The following FAF1 variants were observed in gnomAD, a reference collection of about 807,000 sequenced individuals.
FAF1 encodes the protein Fas associated factor 1.
FAF1 carries 25 observed loss-of-function variants against 92.5 expected under a neutral mutation model. The observed-to-expected ratio is 0.27, with a 90% CI of 0.20 to 0.38. The LOEUF (loss-of-function observed/expected upper bound fraction) is 0.38. Ranked by LOEUF, FAF1 falls within the 10% of genes least tolerant of loss-of-function variation. The pLI, the probability that FAF1 is intolerant of heterozygous loss-of-function variation, is 1.00. For synonymous variants in FAF1, 234 were observed against 273.2 expected (o/e 0.86, Z 1.42); for missense variants, 636 against 793.3 (o/e 0.80, Z 2.38).
intron 4 of FAF1, chr1:50,781,147 C>T (rs995818840): frequency 3.0e-5 from 8 of 267,664 alleles, no homozygotes; most frequent in Admixed American, 1.4e-4. Context: ...CCGGGTGCCC[C>T]GGTGAGGGTC....
chr1:50,490,468 AAG>A (rs1646823769), intron 17 of FAF1, 118 bp downstream of exon 17: 1 of 614,832 alleles, frequency 1.6e-6, no homozygotes, highest in South Asian at 1.8e-5. Context: ...AGGAAAAAGA[AAG>A]AAGGAAGGAA....
chr1:50,595,324 G>C (rs891945233), intron 9 of FAF1, among the ~76,000 whole-genome samples: 2 of 152,002 alleles, frequency 1.3e-5, no homozygotes, highest in African/African-American at 4.8e-5. Context: ...AAAGTGCTGG[G>C]ATTACAGGTG....
At chr1:50,720,557 T>C (rs889295907) in intron 6 of FAF1, among the ~76,000 whole-genome samples, 1 of 152,218 alleles carries the variant, frequency 6.6e-6, no homozygotes, top group Admixed American at 6.5e-5. Flanking sequence ...TATGACACTT[T>C]GGTATGCTGC....
intron 2 of FAF1, among the ~76,000 whole-genome samples, chr1:50,838,891 T>C (rs1644233481): frequency 6.6e-6 from 1 of 152,152 alleles, no homozygotes; most frequent in Admixed American, 6.5e-5. Flanking sequence ...GTGTTCTTTA[T>C]ACACTAACAC....
intron 8 of FAF1, among the ~76,000 whole-genome samples, chr1:50,601,509 C>T (rs779040545): frequency 1.3e-5 from 2 of 152,024 alleles, no homozygotes; most frequent in Non-Finnish European, 2.9e-5. Context: ...TGGTGAAACC[C>T]CGTCTCTACT....
intron 15 of FAF1, among the ~76,000 whole-genome samples, chr1:50,511,661 G>A (rs7517901): frequency 0.032 from 4,812 of 152,190 alleles, 267 homozygotes; most frequent in African/African-American, 0.11. Flanking sequence ...TGGGCATTTG[G>A]GTTGGTTCCA....
intron 7 of FAF1, among the ~76,000 whole-genome samples, chr1:50,662,635 T>C (rs1345342878): frequency 6.6e-6 from 1 of 151,780 alleles, no homozygotes; most frequent in Non-Finnish European, 1.5e-5. Context: ...TTAGATATTA[T>C]TTAAAGTAAC....
intron 1 of FAF1, among the ~76,000 whole-genome samples, chr1:50,887,208 C>T (rs1241143813): frequency 6.6e-6 from 1 of 152,192 alleles, no homozygotes; most frequent in Non-Finnish European, 1.5e-5. Context: ...ACATCCTTCG[C>T]CCACTTGTTG....
At chr1:50,889,310 A>C (rs962508929) in intron 1 of FAF1, among the ~76,000 whole-genome samples, 18 of 151,634 alleles carry the variant, frequency 1.2e-4, no homozygotes, top group Non-Finnish European at 2.4e-4. Context: ...CTTTTAAAAA[A>C]CCCAGCTCCT....
At chr1:50,560,524 G>C (rs1438645899) in intron 13 of FAF1, among the ~76,000 whole-genome samples, 2 of 152,186 alleles carry the variant, frequency 1.3e-5, no homozygotes, top group Non-Finnish European at 2.9e-5. Context: ...AGCACTATTG[G>C]CAACTCCTGG....
chr1:50,678,476 A>G (rs1290921828), intron 7 of FAF1, among the ~76,000 whole-genome samples: 1 of 152,156 alleles, frequency 6.6e-6, no homozygotes, highest in Non-Finnish European at 1.5e-5. Flanking sequence ...CCTAGCCACT[A>G]GTTGCTTTTT....
chr1:50,729,050 A>AT (rs1557497182), intron 6 of FAF1, among the ~76,000 whole-genome samples: 2 of 95,852 alleles, frequency 2.1e-5, no homozygotes, highest in African/African-American at 8.9e-5. Context: ...ATATATATAT[A>AT]TATATATATT....
intron 1 of FAF1, among the ~76,000 whole-genome samples, chr1:50,865,412 A>ACAATAG (rs1206964548): frequency 6.7e-6 from 1 of 149,492 alleles, no homozygotes; most frequent in East Asian, 2.0e-4. Flanking sequence ...GGCACTATTC[A>ACAATAG]CAATAGCAAA....
intron 18 of FAF1, among the ~76,000 whole-genome samples, chr1:50,450,150 T>A (rs904964409): frequency 6.8e-6 from 1 of 147,552 alleles, no homozygotes; most frequent in Non-Finnish European, 1.5e-5. Context: ...ACCACAGTCA[T>A]GCCACTGTAC....
chr1:50,654,050 C>G (rs1322065409), intron 8 of FAF1, among the ~76,000 whole-genome samples: 1 of 152,158 alleles, frequency 6.6e-6, no homozygotes, highest in African/African-American at 2.4e-5. Flanking sequence ...GTTCCAAAGG[C>G]ATACTGTTTA....
At chr1:50,766,791 C>CAAAA (rs765570305) in intron 4 of FAF1, among the ~76,000 whole-genome samples, 37 of 61,738 alleles carry the variant, frequency 6.0e-4, no homozygotes, top group East Asian at 1.3e-3. Flanking sequence ...AGCAAGCAAG[C>CAAAA]AAAAAAAAAA....
At chr1:50,509,259 C>T (rs1352006309) in intron 15 of FAF1, among the ~76,000 whole-genome samples, 1 of 152,104 alleles carries the variant, frequency 6.6e-6, no homozygotes. Flanking sequence ...TTTAATCTTT[C>T]CACATCTAAA....
At chr1:50,911,900 G>A (rs186572367) in intron 1 of FAF1, among the ~76,000 whole-genome samples, 140 of 152,074 alleles carry the variant, frequency 9.2e-4, no homozygotes, top group African/African-American at 3.0e-3. Flanking sequence ...AATCAGGCAT[G>A]GTGGCATGCC....
chr1:50,790,330 C>T (rs1306782751), intron 3 of FAF1, among the ~76,000 whole-genome samples: 2 of 151,942 alleles, frequency 1.3e-5, no homozygotes, highest in African/African-American at 2.4e-5. Context: ...TTAGTAGACA[C>T]GGGCTTTCAC....
Sources: allele counts gnomAD v4.1 joint callset (sites outside exome capture counted in the v4.1 genomes callset), GRCh38; gene constraint gnomAD v4.1.1; transcripts MANE v1.5; gene names NCBI Gene and HGNC (gene_info 2026-07-23, HGNC 2026-07-21).